The following N4BP2 variants were observed in gnomAD, a reference collection of about 807,000 sequenced individuals.
N4BP2 encodes NEDD4-binding protein 2.
Under a neutral mutation model 152.8 loss-of-function variants are expected in N4BP2, and 91 were observed. That is an observed-to-expected ratio of 0.60 (90% CI 0.50 to 0.71). The LOEUF (loss-of-function observed/expected upper bound fraction) is 0.71. N4BP2 is among the 30% of genes least tolerant of loss of function. The pLI is 0.00. For missense variants in N4BP2, 1,923 were observed against 2,059.1 expected (o/e 0.93, Z 1.28); for synonymous variants, 646 against 705.3 (o/e 0.92, Z 1.33).
chr4:40,138,609 T>C (rs975695290), intron 14 of N4BP2, among the ~76,000 whole-genome samples: 4 of 152,246 alleles, frequency 2.6e-5, no homozygotes, highest in Non-Finnish European at 4.4e-5. Flanking sequence ...TTCAAGTTGA[T>C]TCTTTCGCAT....
chr4:40,090,727 G>T (rs1236381577), intron 2 of N4BP2, among the ~76,000 whole-genome samples: 1 of 152,100 alleles, frequency 6.6e-6, no homozygotes, highest in Non-Finnish European at 1.5e-5. Flanking sequence ...GAGGTCAGGA[G>T]TTCGAGACCA....
intron 2 of N4BP2, among the ~76,000 whole-genome samples, chr4:40,077,641 G>A (rs1406164090): frequency 1.3e-5 from 2 of 151,618 alleles, no homozygotes; most frequent in East Asian, 3.9e-4. Flanking sequence ...TTTAGTAGAG[G>A]TGGGGTTTCA....
At position 40,117,846 on chromosome 4, in the gene N4BP2, C is replaced by A. The variant is rs200882600; in HGVS notation, c.1665-23C>A. Reference sequence around the variant, plus strand: ...CTTAATTATCAATATTCCTTCAACCCTTTTTTCCCCTGGAATTTTCAGGCG... The same window carrying A: ...CTTAATTATCAATATTCCTTCAACCATTTTTTCCCCTGGAATTTTCAGGCG... On this transcript the variant is annotated intron_variant, in intron 7 of 17. Transcript: ENST00000261435. 57 of 1,576,284 alleles carry A rather than the reference C, an allele frequency of 3.6e-5. 1 individual carries two copies. The African/African-American group carries it at 7.2e-4, about 20-fold the overall frequency.
chr4:40,076,311 A>C (rs1712725352), intron 2 of N4BP2, among the ~76,000 whole-genome samples: 1 of 152,020 alleles, frequency 6.6e-6, no homozygotes, highest in Non-Finnish European at 1.5e-5. Flanking sequence ...CTCTGTCTCT[A>C]CTAAAAGTAC....
At position 40,137,957 on chromosome 4, in the gene N4BP2, T is replaced by C. The variant is rs923131263; in HGVS notation, c.4785+875T>C. On this transcript the variant is annotated intron_variant, in intron 14 of 17. Transcript: ENST00000261435. ...GTTGGAGGCATAGTTTCTGGACTGG[T>C]TGGTTTCCAAATGAAAGGCGTGCTC... 4.7e-4 allele frequency among the ~76,000 whole-genome samples: 72 copies of C among 152,084 alleles called. 1 individual carries two copies. The highest frequency in any genetic ancestry group is 1.7e-3 in the African/African-American group (69 of 41,410).
At position 40,097,260 on chromosome 4, in the gene N4BP2, A is replaced by G. The variant is rs143340580; in HGVS notation, c.-81A>G. 3.5e-6 allele frequency: 4 copies of G among 1,137,502 alleles called. No homozygotes were observed. Among genetic ancestry groups the G allele is most frequent in the Admixed American group, 3.7e-5 (2 of 54,196 alleles). The allele number at this position is 1,137,502 out of a possible 1,614,324, so 70.5% of individuals were successfully genotyped here. On this transcript the variant is annotated 5_prime_UTR_variant, in exon 3 of 18. It removes the in-frame stop codon of an upstream open reading frame in the 5' UTR. Transcript: ENST00000261435. ...ACTGCTGGATTGTGCAAGATATTTA[A>G]CCCTATTTTGTTTGAATTATGACTT... is the stretch of plus-strand genomic sequence containing the variant.
At chr4:40,113,756 C>T (rs150349696) in intron 7 of N4BP2, among the ~76,000 whole-genome samples, 257 of 151,920 alleles carry the variant, frequency 1.7e-3, no homozygotes, top group African/African-American at 5.8e-3. Flanking sequence ...TTTATTTATT[C>T]GTTTATTTAT....
chr4:40,166,388 A>T, the N4BP2 span, among the ~76,000 whole-genome samples: 12 of 152,274 alleles, frequency 7.9e-5, 1 homozygote, highest in South Asian at 4.1e-4. Flanking sequence ...TTAGAAAGTC[A>T]TTAAAAAATA....
intron 3 of N4BP2, among the ~76,000 whole-genome samples, chr4:40,100,322 C>T (rs1297058397): frequency 6.6e-6 from 1 of 151,530 alleles, no homozygotes; most frequent in Non-Finnish European, 1.5e-5. Flanking sequence ...ACAAAATAAA[C>T]AACCCCTCCC....
the N4BP2 span, among the ~76,000 whole-genome samples, chr4:40,185,715 A>C: frequency 6.6e-6 from 1 of 152,208 alleles, no homozygotes; most frequent in African/African-American, 2.4e-5. Flanking sequence ...TTTATATGTA[A>C]TTTAAAATGC....
At chr4:40,175,338 GAA>G in the N4BP2 span, among the ~76,000 whole-genome samples, 1,271 of 103,738 alleles carry the variant, frequency 0.012, 35 homozygotes, top group East Asian at 0.099. Context: ...GTGAAATATA[GAA>G]AAAAAAAAAA....
At chr4:40,064,564 C>T (rs372417591) in intron 1 of N4BP2, among the ~76,000 whole-genome samples, 6 of 151,830 alleles carry the variant, frequency 4.0e-5, no homozygotes, top group African/African-American at 7.3e-5. Context: ...TGAGCCACCG[C>T]GCCCGGCAAT....
intron 6 of N4BP2, 80 bp from the exon 7 acceptor site, chr4:40,113,352 C>A: frequency 9.7e-7 from 1 of 1,031,394 alleles, no homozygotes; most frequent in South Asian, 1.4e-5. Flanking sequence ...TTACGTTTTA[C>A]ATGCTATATA....
chr4:40,151,536 T>G (rs1175261025), intron 16 of N4BP2, among the ~76,000 whole-genome samples: 3 of 152,160 alleles, frequency 2.0e-5, no homozygotes, highest in Non-Finnish European at 4.4e-5. Flanking sequence ...CCTCCCAAAG[T>G]GCTGAGATTA....
At chr4:40,144,933 T>C (rs1720372882) in intron 16 of N4BP2, 133 bp downstream of exon 16, 1 of 617,900 alleles carries the variant, frequency 1.6e-6, no homozygotes, top group South Asian at 3.5e-5. Flanking sequence ...GTTTATGTTA[T>C]TCATTCTTCA....
intron 2 of N4BP2, among the ~76,000 whole-genome samples, chr4:40,085,587 G>T (rs147801678): frequency 5.6e-4 from 85 of 152,116 alleles, no homozygotes; most frequent in Middle Eastern, 6.8e-3. Flanking sequence ...TTCCAGAGTC[G>T]CTGGAATTAC....
At chr4:40,104,878 C>T (rs745631974) in intron 4 of N4BP2, among the ~76,000 whole-genome samples, 14 of 150,346 alleles carry the variant, frequency 9.3e-5, no homozygotes, top group Non-Finnish European at 1.8e-4. Context: ...GATCTCGGCT[C>T]ACTGCAAGCT....
intron 4 of N4BP2, 97 bp from the exon 5 acceptor site, chr4:40,106,803 G>A (rs1363514975): frequency 2.6e-6 from 3 of 1,167,802 alleles, no homozygotes; most frequent in South Asian, 1.5e-5. Flanking sequence ...CAAAATGATA[G>A]TACTTGAATA....
intron 16 of N4BP2, among the ~76,000 whole-genome samples, chr4:40,151,948 G>GT (rs1721189052): frequency 7.2e-6 from 1 of 138,498 alleles, no homozygotes; most frequent in Non-Finnish European, 1.6e-5. Flanking sequence ...TATTTTGTGT[G>GT]TTTTAAATTT....
Sources: allele counts gnomAD v4.1 joint callset (sites outside exome capture counted in the v4.1 genomes callset), GRCh38; gene constraint gnomAD v4.1.1; transcripts MANE v1.5; gene names NCBI Gene and HGNC (gene_info 2026-07-23, HGNC 2026-07-21).